The following PDE4D variants were observed in gnomAD, a reference collection of about 807,000 sequenced individuals.
PDE4D encodes 3',5'-cyclic-AMP phosphodiesterase 4D.
PDE4D carries 24 observed loss-of-function variants against 87.4 expected under a neutral mutation model. The observed-to-expected ratio is 0.27, with a 90% confidence interval of 0.20 to 0.39. The LOEUF (loss-of-function observed/expected upper bound fraction) is 0.39, where lower values mean the gene tolerates loss of function less well. Among genes scored for constraint, PDE4D ranks in the 10% least tolerant of loss-of-function variants. PDE4D has a pLI of 1.00. For missense variants in PDE4D, 714 were observed against 1,041.0 expected (o/e 0.69, Z 4.32); for synonymous variants, 384 against 383.2 (o/e 1.00, Z -0.02).
chr5:60,158,056 G>T (rs965475245), intron 2 of PDE4D, among the ~76,000 whole-genome samples: 5 of 152,008 alleles, frequency 3.3e-5, no homozygotes, highest in Admixed American at 6.6e-5. Flanking sequence ...AATTCATAAG[G>T]TTATTGTGAG....
chr5:59,122,670 C>T (rs192643520), intron 5 of PDE4D, among the ~76,000 whole-genome samples: 15 of 152,222 alleles, frequency 9.9e-5, no homozygotes, highest in Admixed American at 4.6e-4. Flanking sequence ...TATGCACCAA[C>T]AAAGATAATT....
chr5:59,603,076 G>A (rs1827743930), intron 1 of PDE4D, among the ~76,000 whole-genome samples: 1 of 151,710 alleles, frequency 6.6e-6, no homozygotes, highest in Non-Finnish European at 1.5e-5. Context: ...TAGGGGAAAA[G>A]CTATATGACA....
chr5:59,603,424 G>C (rs1291167114), intron 1 of PDE4D, among the ~76,000 whole-genome samples: 3 of 151,936 alleles, frequency 2.0e-5, no homozygotes, highest in Non-Finnish European at 4.4e-5. Context: ...TCAGAAAAAT[G>C]CATACTAATA....
chr5:59,751,625 C>T (rs892285094), intron 1 of PDE4D, among the ~76,000 whole-genome samples: 7 of 131,378 alleles, frequency 5.3e-5, no homozygotes, highest in East Asian at 2.0e-4. Flanking sequence ...TGAGAGCGAG[C>T]GAGCGAGCAA....
chr5:59,179,512 A>C (rs187746296), intron 5 of PDE4D: 1 of 322,400 alleles, frequency 3.1e-6, no homozygotes, highest in East Asian at 1.0e-4. Flanking sequence ...AGAAACATGA[A>C]GAAGAGATCA....
At chr5:58,998,579 G>A (rs1749762246) in intron 6 of PDE4D, among the ~76,000 whole-genome samples, 1 of 152,046 alleles carries the variant, frequency 6.6e-6, no homozygotes, top group Non-Finnish European at 1.5e-5. Flanking sequence ...ACTGAAATAA[G>A]TTTTCTAATT....
At chr5:58,982,883 C>T (rs1039490863) in intron 11 of PDE4D, among the ~76,000 whole-genome samples, 2 of 152,200 alleles carry the variant, frequency 1.3e-5, no homozygotes, top group Admixed American at 6.5e-5. Flanking sequence ...TAAAATCCTC[C>T]TCTGCCAAGG....
chr5:59,220,422 TA>T (rs369438971), intron 1 of PDE4D, among the ~76,000 whole-genome samples: 2,113 of 114,460 alleles, frequency 0.018, 15 homozygotes, highest in Non-Finnish European at 0.03. Context: ...AAAACAGAGT[TA>T]AAAAAAAAAA....
chr5:60,051,129 CATT>C (rs766480977), intron 2 of PDE4D, among the ~76,000 whole-genome samples: 20 of 152,218 alleles, frequency 1.3e-4, no homozygotes, highest in Non-Finnish European at 2.1e-4. Flanking sequence ...TTAGACACAT[CATT>C]GAGACAGAAA....
intron 1 of PDE4D, among the ~76,000 whole-genome samples, chr5:59,544,971 T>C (rs554740865): frequency 2.3e-4 from 35 of 152,314 alleles, no homozygotes; most frequent in African/African-American, 7.7e-4. Flanking sequence ...ACAGAAAATT[T>C]TGATCATTAC....
intron 1 of PDE4D, among the ~76,000 whole-genome samples, chr5:59,295,004 G>C (rs1411006914): frequency 6.6e-6 from 1 of 152,142 alleles, no homozygotes. Context: ...GAAATCCATG[G>C]AGTTTCAGAT....
At chr5:59,374,005 C>T (rs1403845312) in intron 1 of PDE4D, among the ~76,000 whole-genome samples, 1 of 152,118 alleles carries the variant, frequency 6.6e-6, no homozygotes, top group Non-Finnish European at 1.5e-5. Context: ...CCAGACATGC[C>T]TTACAAGAAC....
chr5:59,029,771 T>C (rs1247043844), intron 6 of PDE4D, among the ~76,000 whole-genome samples: 1 of 152,088 alleles, frequency 6.6e-6, no homozygotes, highest in African/African-American at 2.4e-5. Flanking sequence ...AGGCATCATA[T>C]TCCCTCATTT....
intron 1 of PDE4D, among the ~76,000 whole-genome samples, chr5:59,841,538 C>G (rs552242172): frequency 6.6e-6 from 1 of 152,052 alleles, no homozygotes; most frequent in Non-Finnish European, 1.5e-5. Flanking sequence ...TAAATGCCTA[C>G]TGTGTTCCAG....
chr5:59,732,580 A>G (rs1172988586), intron 1 of PDE4D, among the ~76,000 whole-genome samples: 1 of 152,116 alleles, frequency 6.6e-6, no homozygotes, highest in Non-Finnish European at 1.5e-5. Context: ...TGATGGAAGA[A>G]GGAATGGAAA....
chr5:59,029,427 A>G (rs1403417260), intron 6 of PDE4D, among the ~76,000 whole-genome samples: 3 of 151,184 alleles, frequency 2.0e-5, no homozygotes, highest in African/African-American at 7.3e-5. Flanking sequence ...AAAAAAAAAA[A>G]AAAAAAAAAA....
chr5:59,103,105 A>T (rs763113959), intron 5 of PDE4D, among the ~76,000 whole-genome samples: 2 of 152,170 alleles, frequency 1.3e-5, no homozygotes, highest in African/African-American at 2.4e-5. Flanking sequence ...CTACTTGTCA[A>T]TATATTTCTC....
chr5:59,383,593 C>T (rs957700581), intron 1 of PDE4D, among the ~76,000 whole-genome samples: 7 of 152,206 alleles, frequency 4.6e-5, no homozygotes, highest in African/African-American at 1.7e-4. Context: ...ATATAAGCTA[C>T]ACAGAAATAG....
intron 1 of PDE4D, among the ~76,000 whole-genome samples, chr5:59,490,300 T>C (rs1438805632): frequency 6.6e-6 from 1 of 152,214 alleles, no homozygotes; most frequent in Non-Finnish European, 1.5e-5. Flanking sequence ...ACCCTACCAC[T>C]GCATGCAAAA....
Sources: gnomAD v4.1 joint callset for allele counts (sites outside exome capture counted in the v4.1 genomes callset) on GRCh38, gnomAD v4.1.1 for gene constraint, MANE v1.5 for transcripts, NCBI Gene and HGNC (gene_info 2026-07-23, HGNC 2026-07-21) for gene names.